Variants in ALKBH8 observed in about 807,000 individuals in gnomAD.
ALKBH8 encodes the protein alkB homolog 8, tRNA methyltransferase, also known as tRNA (carboxymethyluridine(34)-5-O)-methyltransferase ALKBH8.
Under a neutral mutation model 59.8 loss-of-function variants are expected in ALKBH8, and 36 were observed. The ratio of observed to expected loss-of-function variants is 0.60; its 90% CI spans 0.46 to 0.79. The LOEUF (loss-of-function observed/expected upper bound fraction) is 0.79. Among genes scored for constraint, ALKBH8 ranks in the 30% least tolerant of loss-of-function variants. The pLI is 0.00. For synonymous variants in ALKBH8, 276 were observed against 273.6 expected, an observed-to-expected ratio of 1.01 and a Z score of -0.09; for missense variants, 768 against 801.0, an observed-to-expected ratio of 0.96 and a Z score of 0.50.
chr11:107,510,352 C>T (rs1023433080), intron 11 of ALKBH8, among the ~76,000 whole-genome samples: 3 of 151,160 alleles, frequency 2.0e-5, no homozygotes, highest in Admixed American at 6.6e-5. Context: ...AAACTAAGAA[C>T]ATACTAAGAG....
intron 9 of ALKBH8, among the ~76,000 whole-genome samples, chr11:107,523,694 C>T (rs1863229297): frequency 6.7e-6 from 1 of 149,798 alleles, no homozygotes; most frequent in Admixed American, 6.7e-5. Flanking sequence ...CCTCCGCCTC[C>T]TGGGTTCAAG....
intron 10 of ALKBH8, among the ~76,000 whole-genome samples, chr11:107,520,231 C>T (rs901036832): frequency 6.6e-6 from 1 of 152,142 alleles, no homozygotes; most frequent in Non-Finnish European, 1.5e-5. Context: ...TGCCAAGTAC[C>T]GTATGCCTGG....
chr11:107,517,022 T>C (rs1258265541), intron 10 of ALKBH8, among the ~76,000 whole-genome samples: 1 of 152,024 alleles, frequency 6.6e-6, no homozygotes, highest in Non-Finnish European at 1.5e-5. Flanking sequence ...AGACCTTGTG[T>C]CAAAAACAAA....
intron 8 of ALKBH8, 39 bp from the exon 9 acceptor site, chr11:107,525,631 T>C (rs1199473197): frequency 1.5e-6 from 2 of 1,295,188 alleles, no homozygotes; most frequent in Non-Finnish European, 2.0e-6. Context: ...TAACATTGTA[T>C]TAATAAAAAT....
chr11:107,520,333 A>G (rs1003455451), intron 10 of ALKBH8, among the ~76,000 whole-genome samples: 6 of 152,172 alleles, frequency 3.9e-5, no homozygotes, highest in African/African-American at 1.4e-4. Context: ...TGTACTTATG[A>G]TTTTCTAATC....
chr11:107,505,396 G>C (rs1862341750), intron 11 of ALKBH8, among the ~76,000 whole-genome samples, 181 bp from the exon 12 acceptor site: 1 of 152,184 alleles, frequency 6.6e-6, no homozygotes, highest in Non-Finnish European at 1.5e-5. Flanking sequence ...AAGAAAAAAA[G>C]TGTTCAGGAA....
At chr11:107,533,894 C>T (rs554799762) in intron 7 of ALKBH8, among the ~76,000 whole-genome samples, 54 of 152,138 alleles carry the variant, frequency 3.5e-4, no homozygotes, top group Admixed American at 6.5e-4. Flanking sequence ...TTTGGGAGGC[C>T]GAGGTGGGCA....
intron 11 of ALKBH8, among the ~76,000 whole-genome samples, chr11:107,506,374 T>C (rs1262054118): frequency 6.6e-6 from 1 of 151,364 alleles, no homozygotes; most frequent in African/African-American, 2.4e-5. Flanking sequence ...TTATGAAGTA[T>C]GTTAAAAATG....
At chr11:107,544,134 C>T (rs1027928285) in intron 7 of ALKBH8, among the ~76,000 whole-genome samples, 1 of 152,136 alleles carries the variant, frequency 6.6e-6, no homozygotes, top group African/African-American at 2.4e-5. Flanking sequence ...TATTCTAGTT[C>T]TACAATCCAG....
At chr11:107,510,078 T>C (rs751249063) in intron 11 of ALKBH8, among the ~76,000 whole-genome samples, 4 of 152,126 alleles carry the variant, frequency 2.6e-5, no homozygotes, top group Non-Finnish European at 5.9e-5. Flanking sequence ...AAACCTAATA[T>C]TGTTTGCTGC....
At chr11:107,527,869 G>T (rs997748815) in intron 8 of ALKBH8, among the ~76,000 whole-genome samples, 2 of 151,958 alleles carry the variant, frequency 1.3e-5, no homozygotes, top group Non-Finnish European at 2.9e-5. Flanking sequence ...GAAGGAGTAT[G>T]AGCGGACATC....
chr11:107,526,013 G>A (rs1274788104), intron 8 of ALKBH8, among the ~76,000 whole-genome samples: 1 of 151,946 alleles, frequency 6.6e-6, no homozygotes, highest in East Asian at 1.9e-4. Flanking sequence ...TAACTACATG[G>A]TAATTACAAG....
rs1168233484 is a variant in ALKBH8 at position 107,522,504 on chromosome 11, G to A, written c.1082C>T (p.Pro361Leu). The A allele has an allele frequency of 1.3e-6, 2 of 1,551,570 alleles. No homozygotes were observed. Among genetic ancestry groups the A allele is most frequent in the Non-Finnish European group, 8.7e-7 (1 of 1,146,944 alleles). ...CCGTGAGGCTTCTTTATCACTCTCT[G>A]GAAATGAGGGGGGAGTCTCTTTCCT... Reference protein sequence around the residue: ...SQRKETPPSFPESDKEASRLE... With the variant: ...SQRKETPPSFLESDKEASRLE... Residue 361 changes from proline (P) to leucine (L), a missense_variant, in exon 10 of 12, where the codon CCA (proline) becomes CTA (leucine). Pro to Leu is a moderately conservative substitution (Grantham distance 98). Transcript: ENST00000428149.
intron 1 of ALKBH8, 76 bp downstream of exon 1, chr11:107,565,525 A>G: frequency 6.5e-7 from 1 of 1,532,202 alleles, no homozygotes; most frequent in South Asian, 1.2e-5. Context: ...AGGCGGATAG[A>G]GAAGACCGGA....
At chr11:107,516,521 A>C (rs537969785) in intron 10 of ALKBH8, among the ~76,000 whole-genome samples, 1 of 152,306 alleles carries the variant, frequency 6.6e-6, no homozygotes, top group African/African-American at 2.4e-5. Context: ...AACATACAAG[A>C]AAAGCTCCAT....
At chr11:107,531,490 G>C (rs1188191133) in intron 8 of ALKBH8, among the ~76,000 whole-genome samples, 2 of 152,158 alleles carry the variant, frequency 1.3e-5, no homozygotes, top group Non-Finnish European at 2.9e-5. Flanking sequence ...GGAAAGTTGA[G>C]AAACTCTTTC....
intron 9 of ALKBH8, among the ~76,000 whole-genome samples, chr11:107,523,710 C>G (rs549103060): frequency 8.9e-4 from 131 of 147,954 alleles, no homozygotes; most frequent in Non-Finnish European, 2.7e-4. Context: ...TCAAGTGATT[C>G]TCCTGCCTCA....
At chr11:107,517,953 T>C (rs959899466) in intron 10 of ALKBH8, among the ~76,000 whole-genome samples, 1 of 152,208 alleles carries the variant, frequency 6.6e-6, no homozygotes, top group Non-Finnish European at 1.5e-5. Context: ...AATGCATATG[T>C]TAATTTGCTA....
At chr11:107,531,397 G>C (rs1040138206) in intron 8 of ALKBH8, among the ~76,000 whole-genome samples, 4 of 152,118 alleles carry the variant, frequency 2.6e-5, no homozygotes, top group South Asian at 2.1e-4. Flanking sequence ...TTTAGATTTT[G>C]ATTAAACCAA....
Sources: allele counts gnomAD v4.1 joint callset (sites outside exome capture counted in the v4.1 genomes callset), GRCh38; gene constraint gnomAD v4.1.1; transcripts MANE v1.5; gene names NCBI Gene and HGNC (gene_info 2026-07-23, HGNC 2026-07-21).